The following MED15 variants were observed in gnomAD, a reference collection of about 807,000 sequenced individuals.
MED15 encodes mediator of RNA polymerase II transcription subunit 15.
A neutral mutation model predicts 118.7 loss-of-function variants in MED15; 41 were observed. The ratio of observed to expected loss-of-function variants is 0.35; its 90% confidence interval spans 0.27 to 0.45. The LOEUF (loss-of-function observed/expected upper bound fraction) is 0.45, where lower values mean the gene tolerates loss of function less well. Among genes scored for constraint, MED15 ranks in the 20% least tolerant of loss-of-function variants. MED15 has a pLI of 1.00. For missense variants in MED15, 740 were observed against 1,025.5 expected (o/e 0.72, Z 3.80); for synonymous variants, 436 against 413.9 (o/e 1.05, Z -0.65).
intron 2 of MED15, among the ~76,000 whole-genome samples, chr22:20,543,155 T>A (rs1482852376): frequency 7.3e-6 from 1 of 137,372 alleles, no homozygotes; most frequent in Non-Finnish European, 1.6e-5. Context: ...GTGTGTGTAT[T>A]TTTAAAATTC....
intron 1 of MED15, among the ~76,000 whole-genome samples, chr22:20,528,862 T>C (rs534082968): frequency 3.6e-4 from 55 of 152,290 alleles, no homozygotes; most frequent in African/African-American, 1.2e-3. Flanking sequence ...CGTTTCATGC[T>C]TTTCCAGAGA....
intron 2 of MED15, among the ~76,000 whole-genome samples, chr22:20,543,358 C>T (rs1161470126): frequency 2.0e-5 from 3 of 149,958 alleles, no homozygotes; most frequent in South Asian, 4.2e-4. Context: ...ATTATAGGTG[C>T]CCACCACCAC....
At chr22:20,579,210 C>G (rs1240664727) in intron 9 of MED15, among the ~76,000 whole-genome samples, 2 of 152,226 alleles carry the variant, frequency 1.3e-5, no homozygotes, top group East Asian at 3.9e-4. Context: ...TCTCGCCTCT[C>G]TGGCTGCCTC....
intron 1 of MED15, 95 bp from the exon 2 acceptor site, chr22:20,537,022 C>A: frequency 8.7e-7 from 1 of 1,146,206 alleles, no homozygotes. Flanking sequence ...CACCTTGTCA[C>A]CAGGGGCAGC....
At chr22:20,508,397 G>GT (rs1388236214) in intron 1 of MED15, 4 of 1,304,158 alleles carry the variant, frequency 3.1e-6, no homozygotes, top group African/African-American at 1.5e-5. Context: ...TCTGTTAGCA[G>GT]TTTTTTTCAT....
intron 1 of MED15, among the ~76,000 whole-genome samples, chr22:20,526,226 A>G (rs1424428803): frequency 6.6e-6 from 1 of 152,190 alleles, no homozygotes; most frequent in African/African-American, 2.4e-5. Context: ...TCAACATAAT[A>G]TATCACATAA....
intron 2 of MED15, among the ~76,000 whole-genome samples, chr22:20,537,963 A>G (rs2055144556): frequency 6.6e-6 from 1 of 152,208 alleles, no homozygotes; most frequent in Non-Finnish European, 1.5e-5. Context: ...GAGGTGGGGT[A>G]GAGTGGGCTC....
intron 1 of MED15, 155 bp downstream of exon 1, chr22:20,507,901 G>A (rs1230364736): frequency 6.8e-7 from 1 of 1,468,486 alleles, no homozygotes; most frequent in East Asian, 2.5e-5. Flanking sequence ...CCCCCCGTCT[G>A]TCCCCTCCGT....
intron 9 of MED15, among the ~76,000 whole-genome samples, chr22:20,581,704 C>T (rs1456484814): frequency 6.6e-6 from 1 of 152,174 alleles, no homozygotes; most frequent in African/African-American, 2.4e-5. Context: ...CATCTGTGCT[C>T]CACCCCAGGA....
chr22:20,512,057 T>C (rs1301391203), intron 1 of MED15, among the ~76,000 whole-genome samples: 1 of 144,924 alleles, frequency 6.9e-6, no homozygotes, highest in Non-Finnish European at 1.5e-5. Flanking sequence ...GGTACGATGA[T>C]AGCTCACTGC....
intron 2 of MED15, among the ~76,000 whole-genome samples, chr22:20,550,509 C>G (rs2055725658): frequency 1.3e-5 from 2 of 152,220 alleles, no homozygotes; most frequent in African/African-American, 4.8e-5. Flanking sequence ...TCCCTCTGCC[C>G]TGCCATCTTA....
intron 12 of MED15, 32 bp downstream of exon 12, chr22:20,583,279 C>G (rs953325937): frequency 1.2e-6 from 2 of 1,613,386 alleles, no homozygotes; most frequent in Middle Eastern, 1.7e-4. Flanking sequence ...GGCCTGCACC[C>G]TGGGGACACC....
At chr22:20,540,368 T>C (rs920170149) in intron 2 of MED15, among the ~76,000 whole-genome samples, 1 of 152,148 alleles carries the variant, frequency 6.6e-6, no homozygotes, top group African/African-American at 2.4e-5. Context: ...ATACAAAATA[T>C]TGAGGTTGAG....
chr22:20,556,681 A>G (rs754115484), intron 5 of MED15, among the ~76,000 whole-genome samples: 10 of 152,174 alleles, frequency 6.6e-5, no homozygotes, highest in Non-Finnish European at 1.2e-4. Flanking sequence ...CACGTGTCAA[A>G]TCAAGTAGCC....
chr22:20,566,977 A>T (rs548149359), intron 7 of MED15, among the ~76,000 whole-genome samples, 160 bp downstream of exon 7: 2 of 152,324 alleles, frequency 1.3e-5, no homozygotes, highest in East Asian at 3.9e-4. Flanking sequence ...AGCATGGCTC[A>T]GCAGGGAAGC....
intron 2 of MED15, among the ~76,000 whole-genome samples, chr22:20,546,050 A>G (rs979562840): frequency 6.6e-6 from 1 of 152,010 alleles, no homozygotes; most frequent in African/African-American, 2.4e-5. Flanking sequence ...TGGAGTCACT[A>G]TTGTCATCAA....
intron 2 of MED15, among the ~76,000 whole-genome samples, chr22:20,549,796 G>T (rs980208325): frequency 2.0e-5 from 3 of 152,136 alleles, no homozygotes; most frequent in Non-Finnish European, 4.4e-5. Flanking sequence ...GCCTACTGTG[G>T]GTCAGGAGTG....
intron 6 of MED15, 44 bp downstream of exon 6, chr22:20,564,732 G>T: frequency 1.9e-6 from 3 of 1,611,376 alleles, no homozygotes; most frequent in Non-Finnish European, 2.5e-6. Context: ...CTCCTGCAGC[G>T]TGAGCCCTGG....
At position 20,566,645 on chromosome 22, in the gene MED15, T is replaced by G. The variant is rs772083719; in HGVS notation, c.869T>G (p.Leu290Arg). The stretch of plus-strand genomic sequence containing the variant: ...CCCTCCCAGGCTCTGCCCCAGCAGC[T>G]GCAGCAGATGCATCACACACAGCAC... ...PPPSQALPQQLQQMHHTQHHQ... is the reference protein window; with the variant it reads ...PPPSQALPQQRQQMHHTQHHQ... Residue 290 changes from leucine to arginine, a missense_variant, in exon 7 of 18, where the codon CTG (leucine) becomes CGG (arginine). By Grantham distance (102) the Leu-to-Arg change is moderately radical. Coordinates refer to ENST00000263205, the MANE Select transcript of MED15 (RefSeq NM_001003891.3). 3 of 1,614,116 alleles carry G rather than the reference T, an allele frequency of 1.9e-6. No individual in the cohort carries two copies. The South Asian group carries it at 3.3e-5, about 18-fold the overall frequency.
Sources: gnomAD v4.1 joint callset for allele counts (sites outside exome capture counted in the v4.1 genomes callset) on GRCh38, gnomAD v4.1.1 for gene constraint, MANE v1.5 for transcripts, NCBI Gene and HGNC (gene_info 2026-07-23, HGNC 2026-07-21) for gene names.